Variants in CAVIN1 observed in about 807,000 individuals in gnomAD.
CAVIN1 encodes the protein caveolae-associated protein 1.
CAVIN1 carries 16 observed loss-of-function variants against 24.0 expected under a neutral mutation model. The ratio of observed to expected loss-of-function variants is 0.67; its 90% CI spans 0.45 to 1.01. The LOEUF (loss-of-function observed/expected upper bound fraction) is 1.01, where lower values mean the gene tolerates loss of function less well. Ranked by LOEUF, CAVIN1 falls within the 50% of genes least tolerant of loss-of-function variation. The pLI, the probability that CAVIN1 is intolerant of heterozygous loss-of-function variation, is 0.00. For missense variants in CAVIN1, 510 were observed against 551.7 expected (o/e 0.92, Z 0.76); for synonymous variants, 256 against 256.4 (o/e 1.00, Z 0.02).
At chr17:42,405,463 C>G in intron 1 of CAVIN1, 75 bp from the exon 2 acceptor site, 1 of 1,503,750 alleles carries the variant, frequency 6.7e-7, no homozygotes, top group African/African-American at 1.4e-5. Flanking sequence ...AGGGTGGTGA[C>G]GATCCTGGAG....
chr17:42,410,497 T>C lies in CAVIN1; in HGVS notation c.472-5109A>G, dbSNP rs578093961. On this transcript the variant is annotated intron_variant, in intron 1 of 1. Coordinates refer to ENST00000357037, the MANE Select transcript of CAVIN1 (RefSeq NM_012232.6). ...AAGGGTGAAAACTGATTCTTGGAGA[T>C]TGGGAGGGGACTTAGATATCACAAT... Among the ~76,000 whole-genome samples, 11 of 152,108 alleles carry C rather than the reference T, an allele frequency of 7.2e-5. No individual in the cohort carries two copies. In the East Asian group the frequency reaches 1.7e-3, roughly 24 times the overall value.
chr17:42,420,555 C>T (rs2085539068), intron 1 of CAVIN1, among the ~76,000 whole-genome samples: 1 of 152,222 alleles, frequency 6.6e-6, no homozygotes, highest in Admixed American at 6.5e-5. Context: ...ACTCTTACTA[C>T]CTCAACTCTC....
rs760837320 is a variant in CAVIN1, at chr17:42,404,936, G to C, written c.924C>G (p.Tyr308Ter). The change falls in exon 2 of 2, where the codon TAC becomes TAG. Residue 308 changes from tyrosine (Y) to a stop codon, truncating the protein, a stop_gained. Coordinates refer to ENST00000357037, the MANE Select transcript of CAVIN1 (RefSeq NM_012232.6). LOFTEE classifies it high-confidence loss of function. ...TGTAGACCGCGGTCTTGGAGCGCGC[G>C]TACACCACGTGGTCGGGCGTGAAGG... ...RKSFTPDHVV[Y>*]ARSKTAVYKV... 1 of 1,613,954 alleles carries C rather than the reference G, an allele frequency of 6.2e-7. No individual in the cohort carries two copies. The highest frequency in any genetic ancestry group is 8.5e-7 in the Non-Finnish European group (1 of 1,179,974).
chr17:42,405,385 C>T lies in CAVIN1; in HGVS notation c.475G>A (p.Glu159Lys). The T allele has an allele frequency of 6.2e-7, 1 of 1,604,104 alleles. No individual in the cohort carries two copies. The highest frequency in any genetic ancestry group is 8.5e-7 in the Non-Finnish European group (1 of 1,179,924). Residue 159 changes from glutamate to lysine, a missense_variant, in exon 2 of 2, where the codon GAA (glutamate) becomes AAA (lysine). Physicochemically the swap from Glu to Lys is moderately conservative, Grantham distance 56. Coordinates refer to ENST00000357037, the MANE Select transcript of CAVIN1 (RefSeq NM_012232.6). ...CTCAGTTTGGCCGGCAGCTTCACTT[C>T]ATCCTAAGGGAAGAGGAGAAGGGAC... ...RNFKVMIYQD[E>K]VKLPAKLSIS...
intron 1 of CAVIN1, chr17:42,411,312 G>T: frequency 2.6e-6 from 1 of 391,132 alleles, no homozygotes; most frequent in Non-Finnish European, 3.5e-6. Context: ...CAGCACTTTG[G>T]GAAGCTGAGG....
chr17:42,408,256 C>T (rs1342649441), intron 1 of CAVIN1, among the ~76,000 whole-genome samples: 2 of 152,002 alleles, frequency 1.3e-5, no homozygotes, highest in Non-Finnish European at 2.9e-5. Context: ...GCATCCCCCG[C>T]TTCTCCCCTA....
Position 42,423,182 on chromosome 17 carries a change from A to G in CAVIN1, c.-85T>C, listed in dbSNP as rs1387378815. 1 of 1,130,444 alleles carries G rather than the reference A, an allele frequency of 8.8e-7. No individual in the cohort carries two copies. Among genetic ancestry groups the G allele is most frequent in the Non-Finnish European group, 1.2e-6 (1 of 805,608 alleles). 70.0% of individuals were successfully genotyped at this position (1,130,444 alleles called of 1,614,324 possible). On this transcript the variant is annotated 5_prime_UTR_variant, in exon 1 of 2. Coordinates refer to ENST00000357037, the MANE Select transcript of CAVIN1 (RefSeq NM_012232.6). The stretch of plus-strand genomic sequence containing the variant: ...GAGAGAAGCAGGAGCGGAAGGGAGG[A>G]GAGCTAGCGGGCGAGAGCGGAGAGC...
Position 42,405,145 on chromosome 17 carries a change from C to T in CAVIN1, c.715G>A (p.Glu239Lys), listed in dbSNP as rs752731739. Residue 239 changes from glutamate (E) to lysine (K), a missense_variant, in exon 2 of 2, where the codon GAG (glutamate) becomes AAG (lysine). Coordinates refer to ENST00000357037, the MANE Select transcript of CAVIN1 (RefSeq NM_012232.6). ...CGCACCTTGGTCTTCTCCATCTTCT[C>T]CTTGGAGAAGGCCTTCTTGAAGTCG... ...VDDFKKAFSK[E>K]KMEKTKVRTR... is the part of the protein sequence containing the mutation. 6.2e-7 allele frequency: 1 copy of T among 1,614,040 alleles called. No individual in the cohort carries two copies. Among genetic ancestry groups the T allele is most frequent in the South Asian group, 1.1e-5 (1 of 91,086 alleles).
chr17:42,406,070 T>C (rs2145472854), intron 1 of CAVIN1, among the ~76,000 whole-genome samples: 1 of 152,218 alleles, frequency 6.6e-6, no homozygotes, highest in African/African-American at 2.4e-5. Context: ...AAACTTCGGG[T>C]CGGAGATGGG....
intron 1 of CAVIN1, among the ~76,000 whole-genome samples, chr17:42,419,893 G>T (rs2085534876): frequency 6.6e-6 from 1 of 151,448 alleles, no homozygotes; most frequent in African/African-American, 2.4e-5. Context: ...GTGTGTGTGT[G>T]TGTGTGTGTG....
At chr17:42,421,476 C>T (rs753055760) in intron 1 of CAVIN1, among the ~76,000 whole-genome samples, 1 of 152,104 alleles carries the variant, frequency 6.6e-6, no homozygotes, top group African/African-American at 2.4e-5. Flanking sequence ...ACCCCCCTGC[C>T]CCACACGATC....
At chr17:42,411,575 A>G (rs1294493190) in intron 1 of CAVIN1, 1 of 985,298 alleles carries the variant, frequency 1.0e-6, no homozygotes, top group Non-Finnish European at 1.2e-6. Flanking sequence ...ATTTTCTAAA[A>G]GAAACTGGAG....
intron 1 of CAVIN1, among the ~76,000 whole-genome samples, chr17:42,406,029 G>C (rs1459122842): frequency 2.0e-5 from 3 of 152,178 alleles, no homozygotes; most frequent in Non-Finnish European, 4.4e-5. Flanking sequence ...TGAACGAATG[G>C]TGACTAAACA....
rs1262896145 is a variant in CAVIN1, at chr17:42,402,452, T to C, written c.*2235A>G. 1 of 152,074 alleles carries C rather than the reference T, an allele frequency of 6.6e-6. No homozygotes were observed. Among genetic ancestry groups the C allele is most frequent in the African/African-American group, 2.4e-5 (1 of 41,388 alleles). The allele number at this position is 152,074 out of a possible 1,614,324, so 9.4% of individuals were successfully genotyped here. ...AGAGAATACAATCAAACACAGATCC[T>C]TTTAGAAAAGCAGGTTTATTGGTCG... is the stretch of plus-strand genomic sequence containing the variant. On this transcript the variant is annotated 3_prime_UTR_variant, in exon 2 of 2. Transcript: ENST00000357037.
At chr17:42,415,913 C>T (rs949049402) in intron 1 of CAVIN1, among the ~76,000 whole-genome samples, 1 of 152,004 alleles carries the variant, frequency 6.6e-6, no homozygotes, top group Non-Finnish European at 1.5e-5. Flanking sequence ...TCTTTGCTGT[C>T]TCCTCATGCT....
At chr17:42,405,429 G>C (rs2085438321) in intron 1 of CAVIN1, 41 bp from the exon 2 acceptor site, 1 of 1,587,520 alleles carries the variant, frequency 6.3e-7, no homozygotes, top group African/African-American at 1.3e-5. Context: ...CGTCGGAGGA[G>C]GCGGATGTGG....
At chr17:42,409,713 A>G (rs1272429740) in intron 1 of CAVIN1, among the ~76,000 whole-genome samples, 1 of 151,958 alleles carries the variant, frequency 6.6e-6, no homozygotes, top group Admixed American at 6.6e-5. Flanking sequence ...TACAACCACC[A>G]CAAACACAAT....
chr17:42,409,839 C>T (rs750170362), intron 1 of CAVIN1, among the ~76,000 whole-genome samples: 9 of 152,106 alleles, frequency 5.9e-5, no homozygotes, highest in South Asian at 2.1e-4. Context: ...CAAGGAGGGA[C>T]GGCTCTGCTT....
chr17:42,422,708 G>A lies in CAVIN1; in HGVS notation c.390C>T (p.Arg130=), dbSNP rs746998664. ...NVKTVRGSLE[R]QAGQIKKLEV... ...CCAGCTTCTTGATCTGCCCCGCCTG[G>A]CGCTCCAGGCTGCCGCGCACGGTCT... The change falls in exon 1 of 2, where the codon CGC becomes CGT. Residue 130 remains arginine, a synonymous_variant. Transcript: ENST00000357037. 1 of 1,608,962 alleles carries A rather than the reference G, an allele frequency of 6.2e-7. No individual in the cohort carries two copies. The highest frequency in any genetic ancestry group is 1.1e-5 in the South Asian group (1 of 90,234).
Sources: gnomAD v4.1 joint callset for allele counts (sites outside exome capture counted in the v4.1 genomes callset) on GRCh38, gnomAD v4.1.1 for gene constraint, MANE v1.5 for transcripts, NCBI Gene and HGNC (gene_info 2026-07-23, HGNC 2026-07-21) for gene names.